Variants in TMEM232 observed in about 807,000 individuals in gnomAD.
The protein encoded by TMEM232 is transmembrane protein 232.
Under a neutral mutation model 78.8 loss-of-function variants are expected in TMEM232, and 80 were observed. That is an observed-to-expected ratio of 1.01 (90% confidence interval 0.85 to 1.22). The LOEUF is 1.22. Ranked by LOEUF, TMEM232 falls within the 50% of genes most tolerant of loss-of-function variation. TMEM232 has a pLI of 0.00. For missense variants in TMEM232, 881 were observed against 742.2 expected (o/e 1.19, Z -2.17); for synonymous variants, 297 against 254.3 (o/e 1.17, Z -1.60).
intron 10 of TMEM232, among the ~76,000 whole-genome samples, chr5:110,591,761 C>T (rs10054227): frequency 0.069 from 10,555 of 152,064 alleles, 482 homozygotes; most frequent in South Asian, 0.19. Flanking sequence ...TCGTTTGACT[C>T]CAGATCTGGG....
intron 12 of TMEM232, among the ~76,000 whole-genome samples, chr5:110,454,689 G>C (rs1044877288): frequency 6.6e-6 from 1 of 151,908 alleles, no homozygotes; most frequent in Non-Finnish European, 1.5e-5. Flanking sequence ...GCAATACTTA[G>C]AGGAAAATGT....
chr5:110,638,186 T>C lies in TMEM232; in HGVS notation c.501+12A>G, dbSNP rs1363632276. On this transcript the variant is annotated intron_variant, in intron 5 of 13. Coordinates refer to ENST00000455884, the MANE Select transcript of TMEM232 (RefSeq NM_001039763.4). The stretch of plus-strand genomic sequence containing the variant: ...AATATTTAAAAACATTAAGAAGTTT[T>C]TCAAAACATACCTTTGCTAGCTTTA... The C allele has an allele frequency of 2.6e-6, 4 of 1,532,130 alleles. No homozygotes were observed. In the East Asian group the frequency reaches 9.9e-5, roughly 38 times the overall value. The allele number at this position is 1,532,130 out of a possible 1,614,324, so 94.9% of individuals were successfully genotyped here.
At chr5:110,717,771 CCT>C (rs1444583371) in intron 1 of TMEM232, among the ~76,000 whole-genome samples, 1 of 152,068 alleles carries the variant, frequency 6.6e-6, no homozygotes, top group African/African-American at 2.4e-5. Flanking sequence ...GGGCTCTCCC[CCT>C]TTCACTCCTC....
At chr5:110,714,146 C>A (rs1249302142) in intron 1 of TMEM232, among the ~76,000 whole-genome samples, 1 of 152,164 alleles carries the variant, frequency 6.6e-6, no homozygotes, top group African/African-American at 2.4e-5. Context: ...TTTATCTTGT[C>A]TGTTAACTGA....
At chr5:110,628,237 T>C (rs1784661069) in intron 5 of TMEM232, among the ~76,000 whole-genome samples, 1 of 151,942 alleles carries the variant, frequency 6.6e-6, no homozygotes. Flanking sequence ...GAAGAAAAAA[T>C]ATATTTTACT....
At chr5:110,671,638 AAC>A (rs1322419690) in intron 1 of TMEM232, among the ~76,000 whole-genome samples, 6 of 152,190 alleles carry the variant, frequency 3.9e-5, no homozygotes, top group Admixed American at 2.6e-4. Flanking sequence ...TCAGCAAACT[AAC>A]ACAGGAACAG....
intron 11 of TMEM232, among the ~76,000 whole-genome samples, chr5:110,557,636 A>G (rs981776860): frequency 1.3e-5 from 2 of 152,190 alleles, no homozygotes; most frequent in African/African-American, 4.8e-5. Context: ...TATATCTTAC[A>G]TGGCTGGAGA....
intron 5 of TMEM232, among the ~76,000 whole-genome samples, chr5:110,632,321 T>C (rs1250552350): frequency 6.6e-6 from 1 of 151,446 alleles, no homozygotes; most frequent in Non-Finnish European, 1.5e-5. Flanking sequence ...TACACAGTTA[T>C]CAACGTAAGG....
chr5:110,620,582 TC>T (rs1783520196), intron 7 of TMEM232, among the ~76,000 whole-genome samples: 1 of 3,464 alleles, frequency 2.9e-4, no homozygotes, highest in South Asian at 8.6e-3. Context: ...CTCATATCTC[TC>T]TCTCTCTCTC....
At chr5:110,733,820 C>T (rs1470318188) in intron 2 of TMEM232, among the ~76,000 whole-genome samples, 2 of 152,134 alleles carry the variant, frequency 1.3e-5, no homozygotes, top group African/African-American at 4.8e-5. Context: ...TGCACATGTA[C>T]CCTTGAACCT....
At chr5:110,702,062 G>C (rs965129828) in intron 1 of TMEM232, among the ~76,000 whole-genome samples, 1 of 151,890 alleles carries the variant, frequency 6.6e-6, no homozygotes, top group African/African-American at 2.4e-5. Flanking sequence ...ACCCTAGCTG[G>C]ATCTCCAATT....
chr5:110,579,026 C>A (rs1479122006), intron 10 of TMEM232, among the ~76,000 whole-genome samples: 1 of 150,870 alleles, frequency 6.6e-6, no homozygotes, highest in Admixed American at 6.6e-5. Flanking sequence ...ATAAAATTAA[C>A]CCAAAGAAAT....
chr5:110,634,005 T>C (rs1785487594), intron 5 of TMEM232, among the ~76,000 whole-genome samples: 1 of 152,106 alleles, frequency 6.6e-6, no homozygotes, highest in Admixed American at 6.6e-5. Flanking sequence ...TGGAAAAACA[T>C]ACTCCACACA....
At chr5:110,627,907 T>C (rs1266402495) in intron 5 of TMEM232, 27 bp from the exon 6 acceptor site, 4 of 1,385,358 alleles carry the variant, frequency 2.9e-6, no homozygotes, top group Non-Finnish European at 3.9e-6. Flanking sequence ...GAAAAATACA[T>C]TTTTGTGTTG....
intron 5 of TMEM232, among the ~76,000 whole-genome samples, chr5:110,636,889 A>G (rs570646396): frequency 3.9e-5 from 6 of 152,176 alleles, no homozygotes; most frequent in African/African-American, 1.4e-4. Flanking sequence ...TTTGCAGATA[A>G]CAGGGCATGT....
At chr5:110,574,847 T>C (rs1438203909) in intron 10 of TMEM232, among the ~76,000 whole-genome samples, 1 of 152,070 alleles carries the variant, frequency 6.6e-6, no homozygotes, top group Non-Finnish European at 1.5e-5. Flanking sequence ...CTTTCACATA[T>C]AAACCATAAC....
intron 12 of TMEM232, among the ~76,000 whole-genome samples, chr5:110,431,446 A>G (rs991570099): frequency 1.3e-5 from 2 of 151,684 alleles, no homozygotes; most frequent in African/African-American, 4.8e-5. Flanking sequence ...TCTGCCATCA[A>G]TCAAGATGCA....
chr5:110,699,039 G>A (rs1795137252), intron 1 of TMEM232, among the ~76,000 whole-genome samples: 1 of 151,330 alleles, frequency 6.6e-6, no homozygotes, highest in Admixed American at 6.6e-5. Context: ...GGTTCCCCCA[G>A]AAGGACAAAA....
At chr5:110,416,194 A>G (rs570396510), downstream of TMEM232, among the ~76,000 whole-genome samples, 27 of 152,352 alleles carry the variant, frequency 1.8e-4, no homozygotes, top group South Asian at 5.4e-3. Flanking sequence ...AACTAGAATC[A>G]GTACAAGGAG....
Sources: allele counts gnomAD v4.1 joint callset (sites outside exome capture counted in the v4.1 genomes callset), GRCh38; gene constraint gnomAD v4.1.1; transcripts MANE v1.5; gene names NCBI Gene and HGNC (gene_info 2026-07-23, HGNC 2026-07-21).